The following TJP1 variants were observed in gnomAD, a reference collection of about 807,000 sequenced individuals.
The protein encoded by TJP1 is tight junction protein 1, also known as tight junction protein ZO-1.
A neutral mutation model predicts 194.2 loss-of-function variants in TJP1; 43 were observed. The observed-to-expected ratio is 0.22, with a 90% confidence interval of 0.17 to 0.29. TJP1 has a LOEUF of 0.29. Ranked by LOEUF, TJP1 falls within the 10% of genes least tolerant of loss-of-function variation. The probability of loss-of-function intolerance (pLI) is 1.00; values close to 1 mark genes in which losing one functional copy is unlikely to be tolerated. For missense variants in TJP1, 1,971 were observed against 2,185.7 expected (o/e 0.90, Z 1.96); for synonymous variants, 801 against 779.0 (o/e 1.03, Z -0.47).
rs1399737153 is a variant in TJP1, at chr15:29,950,114, T to TCCACAACCACCACCTCCACCACCA, written c.306+6094_306+6117dup. Among the ~76,000 whole-genome samples, 20 of 17,366 alleles carry TCCACAACCACCACCTCCACCACCA rather than the reference T, an allele frequency of 1.2e-3. 1 individual carries two copies. Among genetic ancestry groups the TCCACAACCACCACCTCCACCACCA allele is most frequent in the Non-Finnish European group, 1.6e-3 (15 of 9,212 alleles). The allele number at this position is 17,366 out of a possible 152,430, so 11.4% of individuals were successfully genotyped here. ...CACCACCACCTCCACCACCACCACC[T>TCCACAACCACCACCTCCACCACCA]CCACAACCACCACCTCCACCACCAC... On this transcript the variant is annotated intron_variant, in intron 2 of 28. Coordinates refer to the TJP1 transcript ENST00000356107.
At chr15:29,712,338 T>G (rs2042291567) in intron 23 of TJP1, among the ~76,000 whole-genome samples, 1 of 152,184 alleles carries the variant, frequency 6.6e-6, no homozygotes, top group African/African-American at 2.4e-5. Flanking sequence ...TGGAACAGCC[T>G]CACATTAATT....
intron 1 of TJP1, among the ~76,000 whole-genome samples, chr15:29,811,374 G>C (rs1037047445): frequency 7.0e-6 from 1 of 143,712 alleles, no homozygotes. Context: ...GGGGAAGAGG[G>C]GGGTATGATA....
At chr15:29,769,175 C>T (rs1166640247) in intron 4 of TJP1, among the ~76,000 whole-genome samples, 1 of 152,120 alleles carries the variant, frequency 6.6e-6, no homozygotes, top group Non-Finnish European at 1.5e-5. Flanking sequence ...TCTAGTATGA[C>T]CATCACCACC....
intron 2 of TJP1, among the ~76,000 whole-genome samples, chr15:29,870,445 T>C (rs577688354): frequency 6.6e-6 from 1 of 152,200 alleles, no homozygotes; most frequent in Non-Finnish European, 1.5e-5. Flanking sequence ...CAGACAATAA[T>C]GAATGTCAGG....
chr15:29,800,998 A>C (rs1457001188), intron 1 of TJP1, among the ~76,000 whole-genome samples: 1 of 152,238 alleles, frequency 6.6e-6, no homozygotes, highest in African/African-American at 2.4e-5. Flanking sequence ...TACTTAGAAA[A>C]GAATAAAAGT....
chr15:29,826,806 G>A (rs2050691538), upstream of TJP1, among the ~76,000 whole-genome samples: 1 of 152,208 alleles, frequency 6.6e-6, no homozygotes, highest in African/African-American at 2.4e-5. Context: ...GGGCAGAAGG[G>A]CTTGCAGTTG....
rs199818430 is a variant in TJP1, at chr15:29,789,120, C to CTT, written c.84+11524_84+11525dup. Among the ~76,000 whole-genome samples, 353 of 150,954 alleles carry CTT rather than the reference C, an allele frequency of 2.3e-3. 1 individual carries two copies. The highest frequency in any genetic ancestry group is 8.0e-3 in the African/African-American group (328 of 41,032). On this transcript the variant is annotated intron_variant, in intron 2 of 27. Coordinates refer to ENST00000614355, the MANE Select transcript of TJP1 (RefSeq NM_001330239.4). ...TATAAAGTTAGTTTCACCTGTTTTTCTTTTTTTTTACAGTTTTTAATAAGA... is the reference window on the plus strand; with the variant it reads ...TATAAAGTTAGTTTCACCTGTTTTTCTTTTTTTTTTTACAGTTTTTAATAAGA...
intron 2 of TJP1, among the ~76,000 whole-genome samples, chr15:29,793,380 T>C (rs922404222): frequency 2.0e-5 from 3 of 152,334 alleles, no homozygotes; most frequent in Admixed American, 6.5e-5. Flanking sequence ...CTTCATTCTT[T>C]TGATGTGATG....
chr15:29,848,329 G>A (rs2051498926), intron 2 of TJP1, among the ~76,000 whole-genome samples: 1 of 152,000 alleles, frequency 6.6e-6, no homozygotes. Flanking sequence ...TATAATTGTG[G>A]GCTTGTCTAG....
rs908937030 is a variant in TJP1 at position 29,822,093 on chromosome 15, G to A, written c.-65C>T. On this transcript the variant is annotated 5_prime_UTR_variant, in exon 1 of 28. Coordinates refer to ENST00000614355, the MANE Select transcript of TJP1 (RefSeq NM_001330239.4). ...GAAACTCCGCGGCGCTGGCCCGCCC[G>A]CTCCTCACGCCACAGCCCAAATAAA... 1.6e-6 allele frequency: 2 copies of A among 1,239,890 alleles called. No individual in the cohort carries two copies. The highest frequency in any genetic ancestry group is 1.0e-6 in the Non-Finnish European group (1 of 990,830). 76.8% of individuals were successfully genotyped at this position (1,239,890 alleles called of 1,614,324 possible). A position where few individuals can be genotyped will look rare whatever the true frequency, so the allele number is the denominator to read the frequency against.
At chr15:29,725,764 C>T (rs776481612) in intron 18 of TJP1, among the ~76,000 whole-genome samples, 1 of 152,200 alleles carries the variant, frequency 6.6e-6, no homozygotes, top group Non-Finnish European at 1.5e-5. Flanking sequence ...GGATCTATTG[C>T]TTTGTTCAAT....
chr15:29,960,669 T>C (rs1322113478), intron 1 of TJP1, among the ~76,000 whole-genome samples: 1 of 148,914 alleles, frequency 6.7e-6, no homozygotes, highest in Non-Finnish European at 1.5e-5. Context: ...TCAGTAGCGC[T>C]AAAGTGGTGT....
At chr15:29,848,906 G>GT (rs931614212) in intron 2 of TJP1, among the ~76,000 whole-genome samples, 20 of 151,610 alleles carry the variant, frequency 1.3e-4, no homozygotes, top group Non-Finnish European at 2.4e-4. Flanking sequence ...ATTTTCTGTG[G>GT]TTTTTTTTAA....
chr15:29,833,906 C>T lies in TJP1; in HGVS notation c.307-33204G>A, dbSNP rs1363220937. ...ATTTTTTTTTTTTTTTTTTTTGAGA[C>T]GGAGTCTTGCTCTGTCCCCAGGCTG... On this transcript the variant is annotated intron_variant, in intron 2 of 28. Transcript: ENST00000356107. 1.5e-3 allele frequency among the ~76,000 whole-genome samples: 22 copies of T among 14,474 alleles called. 1 individual carries two copies. The highest frequency in any genetic ancestry group is 3.6e-3 in the African/African-American group (18 of 4,974). The allele number at this position is 14,474 out of a possible 152,430, so 9.5% of individuals were successfully genotyped here. A position where few individuals can be genotyped will look rare whatever the true frequency, so the allele number is the denominator to read the frequency against.
At chr15:29,863,023 G>A (rs759988187) in intron 2 of TJP1, among the ~76,000 whole-genome samples, 1 of 151,312 alleles carries the variant, frequency 6.6e-6, no homozygotes, top group African/African-American at 2.4e-5. Context: ...GTCTGGGCAC[G>A]GTGGCTCATG....
chr15:29,874,523 C>T (rs916232246), intron 2 of TJP1, among the ~76,000 whole-genome samples: 1 of 152,104 alleles, frequency 6.6e-6, no homozygotes, highest in Non-Finnish European at 1.5e-5. Flanking sequence ...AAGGAATCTA[C>T]CCCATTATGA....
chr15:29,962,782 G>A (rs2056204405), intron 1 of TJP1, among the ~76,000 whole-genome samples: 1 of 152,208 alleles, frequency 6.6e-6, no homozygotes, highest in African/African-American at 2.4e-5. Flanking sequence ...TAGGTTAACA[G>A]TAAATAGTCA....
intron 2 of TJP1, among the ~76,000 whole-genome samples, chr15:29,945,149 A>C (rs1259098823): frequency 6.6e-6 from 1 of 152,188 alleles, no homozygotes; most frequent in Non-Finnish European, 1.5e-5. Context: ...CTGGTGTTTC[A>C]AGTATATGGT....
At chr15:29,839,318 C>T (rs1404399348) in intron 2 of TJP1, among the ~76,000 whole-genome samples, 1 of 152,008 alleles carries the variant, frequency 6.6e-6, no homozygotes, top group African/African-American at 2.4e-5. Flanking sequence ...TATTGAAGGA[C>T]ATTTGAGTGG....
Sources: allele counts gnomAD v4.1 joint callset (sites outside exome capture counted in the v4.1 genomes callset), GRCh38; gene constraint gnomAD v4.1.1; transcripts MANE v1.5; gene names NCBI Gene and HGNC (gene_info 2026-07-23, HGNC 2026-07-21).